The following CEP128 variants were observed in gnomAD, a reference collection of about 807,000 sequenced individuals.
CEP128 encodes centrosomal protein 128.
A neutral mutation model predicts 156.7 loss-of-function variants in CEP128; 132 were observed. The observed-to-expected ratio is 0.84, with a 90% confidence interval of 0.73 to 0.97. The LOEUF is 0.97. Among genes scored for constraint, CEP128 ranks in the 50% least tolerant of loss-of-function variants. The pLI is 0.00. For synonymous variants in CEP128, 469 were observed against 448.9 expected (o/e 1.04, Z -0.57); for missense variants, 1,252 against 1,281.9 (o/e 0.98, Z 0.36).
chr14:80,949,083 C>G (rs1416047578), intron 2 of CEP128, among the ~76,000 whole-genome samples: 1 of 152,154 alleles, frequency 6.6e-6, no homozygotes, highest in Non-Finnish European at 1.5e-5. Flanking sequence ...GATTTACCCT[C>G]CCACCAGAAT....
At chr14:80,936,353 G>A (rs143358655) in intron 2 of CEP128, among the ~76,000 whole-genome samples, 5 of 152,190 alleles carry the variant, frequency 3.3e-5, no homozygotes, top group Admixed American at 3.3e-4. Flanking sequence ...CTGCACTCCA[G>A]CATGAGTTAC....
chr14:80,756,929 A>AT lies in CEP128; in HGVS notation c.2575dup (p.Ile859AsnfsTer4), dbSNP rs1899693870. 6.2e-7 allele frequency: 1 copy of AT among 1,601,550 alleles called. No homozygotes were observed. Among genetic ancestry groups the AT allele is most frequent in the Non-Finnish European group, 8.5e-7 (1 of 1,170,304 alleles). On this transcript the variant is annotated frameshift_variant, in exon 18 of 25. Transcript: ENST00000555265. LOFTEE classifies it high-confidence loss of function. ...TAACCAGCGATGTGGGTCATAATGT[A>AT]TATCAGGACCAGATGAAAAAACCTA...
At chr14:80,516,068 A>G (rs1177170157) in intron 23 of CEP128, among the ~76,000 whole-genome samples, 1 of 152,096 alleles carries the variant, frequency 6.6e-6, no homozygotes, top group Non-Finnish European at 1.5e-5. Context: ...GGGTTTCATC[A>G]TGTTAGCCAG....
chr14:80,625,777 C>A (rs925881051), intron 19 of CEP128, among the ~76,000 whole-genome samples: 1 of 151,308 alleles, frequency 6.6e-6, no homozygotes, highest in African/African-American at 2.4e-5. Context: ...TCTCCTTCCT[C>A]TCTTTTCCTT....
intron 19 of CEP128, among the ~76,000 whole-genome samples, chr14:80,633,627 C>T (rs192596793): frequency 3.9e-5 from 6 of 152,314 alleles, no homozygotes. Flanking sequence ...CCTATTCCCA[C>T]ACCTAGGACA....
chr14:80,535,234 T>C (rs1165307941), intron 21 of CEP128, among the ~76,000 whole-genome samples: 2 of 152,190 alleles, frequency 1.3e-5, no homozygotes, highest in Non-Finnish European at 2.9e-5. Flanking sequence ...GATAAGGCAA[T>C]TGAGGACCGG....
At chr14:80,811,818 T>TTAGATAGATAGATAGATAGATAGATAGA (rs61046137) in intron 13 of CEP128, among the ~76,000 whole-genome samples, 1,865 of 149,606 alleles carry the variant, frequency 0.012, 17 homozygotes, top group East Asian at 0.024. Flanking sequence ...CACGCATGTA[T>TTAGATAGATAGATAGATAGATAGATAGA]TAGATAGATA....
chr14:80,749,832 A>T (rs1899297395), intron 18 of CEP128, among the ~76,000 whole-genome samples: 1 of 152,250 alleles, frequency 6.6e-6, no homozygotes, highest in African/African-American at 2.4e-5. Flanking sequence ...TTTTACAATG[A>T]TGTGATCATT....
intron 19 of CEP128, among the ~76,000 whole-genome samples, chr14:80,689,082 G>C (rs1054140899): frequency 1.3e-5 from 2 of 152,006 alleles, no homozygotes; most frequent in Non-Finnish European, 2.9e-5. Flanking sequence ...TATCTTTACG[G>C]CTAGGCGCAG....
At chr14:80,699,578 G>T (rs1229138036) in intron 19 of CEP128, among the ~76,000 whole-genome samples, 2 of 152,046 alleles carry the variant, frequency 1.3e-5, no homozygotes, top group South Asian at 2.1e-4. Context: ...TTTAACATAG[G>T]TTTGTATTAA....
upstream of CEP128, among the ~76,000 whole-genome samples, chr14:80,944,504 C>G (rs1886280067): frequency 6.6e-6 from 1 of 152,092 alleles, no homozygotes; most frequent in Non-Finnish European, 1.5e-5. Context: ...GCTTCCCCAG[C>G]CATGCAGAAC....
intron 19 of CEP128, among the ~76,000 whole-genome samples, chr14:80,683,776 C>G (rs1282046929): frequency 6.6e-6 from 1 of 151,998 alleles, no homozygotes; most frequent in Admixed American, 6.6e-5. Flanking sequence ...ACTCTCTGAC[C>G]ATAGTGGAAT....
intron 19 of CEP128, among the ~76,000 whole-genome samples, chr14:80,721,755 TAAAC>T (rs1011762785): frequency 3.3e-5 from 5 of 152,176 alleles, no homozygotes; most frequent in African/African-American, 4.8e-5. Context: ...TATAAATAAA[TAAAC>T]AGGTGAATTC....
intron 13 of CEP128, among the ~76,000 whole-genome samples, chr14:80,809,861 G>A (rs1251464190): frequency 2.6e-5 from 4 of 151,880 alleles, no homozygotes; most frequent in Admixed American, 2.6e-4. Flanking sequence ...TCTTAAACCT[G>A]AAAGTGAAAG....
intron 19 of CEP128, among the ~76,000 whole-genome samples, chr14:80,674,843 C>T (rs1218585940): frequency 1.3e-5 from 2 of 151,998 alleles, no homozygotes; most frequent in African/African-American, 4.8e-5. Context: ...TCATATTTTT[C>T]TCTATAAAAT....
chr14:80,736,599 A>G (rs1898545410), intron 19 of CEP128, among the ~76,000 whole-genome samples: 1 of 152,074 alleles, frequency 6.6e-6, no homozygotes, highest in African/African-American at 2.4e-5. Flanking sequence ...TAAACTCCCC[A>G]CTCAATCAAT....
chr14:80,861,274 T>C (rs1887500001), intron 9 of CEP128, among the ~76,000 whole-genome samples: 1 of 151,912 alleles, frequency 6.6e-6, no homozygotes, highest in South Asian at 2.1e-4. Flanking sequence ...AAAAGTACAA[T>C]AGGATATGTT....
intron 13 of CEP128, chr14:80,822,504 A>G (rs1407822780): frequency 1.6e-6 from 1 of 624,524 alleles, no homozygotes; most frequent in Non-Finnish European, 3.1e-6. Flanking sequence ...CGCGTCCACC[A>G]CCTACATCCT....
chr14:80,678,126 C>T (rs1257897890), intron 19 of CEP128, among the ~76,000 whole-genome samples: 1 of 149,322 alleles, frequency 6.7e-6, no homozygotes, highest in Admixed American at 6.7e-5. Context: ...AACTGCCCAT[C>T]TGTTATGCGT....
Sources: allele counts gnomAD v4.1 joint callset (sites outside exome capture counted in the v4.1 genomes callset), GRCh38; gene constraint gnomAD v4.1.1; transcripts MANE v1.5; gene names NCBI Gene and HGNC (gene_info 2026-07-23, HGNC 2026-07-21).